TLK1: variants seen among roughly 807,000 people sequenced by gnomAD.
TLK1 encodes the protein tousled like kinase 1.
Under a neutral mutation model 105.3 loss-of-function variants are expected in TLK1, and 24 were observed. The observed-to-expected ratio is 0.23, with a 90% CI of 0.17 to 0.32. The LOEUF (loss-of-function observed/expected upper bound fraction) is 0.32. TLK1 is among the 10% of genes least tolerant of loss of function. The pLI is 1.00. For synonymous variants in TLK1, 321 were observed against 310.4 expected, an observed-to-expected ratio of 1.03 and a Z score of -0.36; for missense variants, 558 against 910.5, an observed-to-expected ratio of 0.61 and a Z score of 4.98.
At chr2:171,158,147 G>A (rs1030003550) in intron 1 of TLK1, among the ~76,000 whole-genome samples, 2 of 152,142 alleles carry the variant, frequency 1.3e-5, no homozygotes, top group Non-Finnish European at 2.9e-5. Flanking sequence ...AGAACACATC[G>A]CCAAGCTTCA....
chr2:171,133,864 G>T (rs1691202418), intron 1 of TLK1, among the ~76,000 whole-genome samples: 1 of 151,476 alleles, frequency 6.6e-6, no homozygotes, highest in Non-Finnish European at 1.5e-5. Flanking sequence ...TTGTGATGGT[G>T]TCAGGGTGTT....
chr2:171,096,371 C>CA (rs1447933564), intron 2 of TLK1, among the ~76,000 whole-genome samples: 2 of 151,878 alleles, frequency 1.3e-5, no homozygotes, highest in East Asian at 1.9e-4. Context: ...AAATCCCACA[C>CA]AAAAAATCAG....
chr2:171,220,546 G>A (rs1042816275), intron 1 of TLK1, among the ~76,000 whole-genome samples: 2 of 152,172 alleles, frequency 1.3e-5, no homozygotes, highest in African/African-American at 4.8e-5. Context: ...CCCACATGGG[G>A]AGGACTATCG....
intron 1 of TLK1, among the ~76,000 whole-genome samples, chr2:171,146,527 T>C (rs1365074039): frequency 6.6e-6 from 1 of 152,182 alleles, no homozygotes; most frequent in Non-Finnish European, 1.5e-5. Context: ...AGAAAAAATA[T>C]GACGGTGGAA....
intron 1 of TLK1, among the ~76,000 whole-genome samples, chr2:171,226,033 C>G (rs570036326): frequency 3.3e-5 from 5 of 152,192 alleles, no homozygotes; most frequent in African/African-American, 1.2e-4. Flanking sequence ...CTCACCACCC[C>G]CCTAATATTC....
intron 1 of TLK1, among the ~76,000 whole-genome samples, chr2:171,201,898 C>CATCTATCT (rs3081728): frequency 0.038 from 5,560 of 148,246 alleles, 122 homozygotes; most frequent in Middle Eastern, 0.048. Context: ...TATCAGCTAT[C>CATCTATCT]ATCTATCTAT....
At chr2:171,097,991 A>AGG (rs1689523612) in intron 2 of TLK1, among the ~76,000 whole-genome samples, 1 of 152,058 alleles carries the variant, frequency 6.6e-6, no homozygotes, top group Non-Finnish European at 1.5e-5. Context: ...AAAGAGAGAG[A>AGG]AAGAAAGAGA....
At chr2:171,000,790 T>G (rs1575499973) in intron 18 of TLK1, among the ~76,000 whole-genome samples, 1 of 152,228 alleles carries the variant, frequency 6.6e-6, no homozygotes. Flanking sequence ...TATAGAAGGG[T>G]CCATGTCATA....
At chr2:171,017,648 T>C (rs187675196) in intron 12 of TLK1, among the ~76,000 whole-genome samples, 2 of 152,336 alleles carry the variant, frequency 1.3e-5, no homozygotes. Context: ...TATCAGCAAA[T>C]TAAAGCAAGC....
intron 2 of TLK1, among the ~76,000 whole-genome samples, chr2:171,083,667 T>C (rs1240854026): frequency 6.6e-6 from 1 of 152,192 alleles, no homozygotes; most frequent in African/African-American, 2.4e-5. Flanking sequence ...ACCTCACTTG[T>C]AACAGGAGTG....
intron 1 of TLK1, among the ~76,000 whole-genome samples, chr2:171,212,239 T>C (rs928769635): frequency 1.3e-5 from 2 of 151,852 alleles, no homozygotes; most frequent in African/African-American, 4.8e-5. Context: ...AGCTGTTTTA[T>C]CATAGAGAAA....
intron 3 of TLK1, among the ~76,000 whole-genome samples, chr2:171,074,692 T>C (rs1356753596): frequency 6.6e-6 from 1 of 151,142 alleles, no homozygotes; most frequent in Non-Finnish European, 1.5e-5. Flanking sequence ...ATAGTAAGAT[T>C]TCTGGTAAGA....
chr2:171,107,154 A>G (rs1266540225), intron 2 of TLK1, among the ~76,000 whole-genome samples: 1 of 152,188 alleles, frequency 6.6e-6, no homozygotes, highest in Non-Finnish European at 1.5e-5. Context: ...TTCAAATCAA[A>G]TATTTCCAGC....
chr2:171,187,081 AAAGAAAAAGAAAAAG>A (rs1558984580), intron 1 of TLK1, among the ~76,000 whole-genome samples: 5 of 127,986 alleles, frequency 3.9e-5, no homozygotes, highest in African/African-American at 1.4e-4. Context: ...AAAAAAAAAA[AAAGAAAAAGAAAAAG>A]AAAAAGAAAA....
intron 1 of TLK1, among the ~76,000 whole-genome samples, chr2:171,148,893 ATAT>A (rs1691905608): frequency 3.3e-5 from 3 of 91,630 alleles, no homozygotes; most frequent in East Asian, 1.0e-3. Flanking sequence ...AAAAAAAAAT[ATAT>A]ATATATATAT....
chr2:171,146,451 A>C (rs1040912811), intron 1 of TLK1, among the ~76,000 whole-genome samples: 2 of 152,220 alleles, frequency 1.3e-5, no homozygotes, highest in Non-Finnish European at 2.9e-5. Flanking sequence ...AATATAAAGA[A>C]CAACTGGTAT....
intron 1 of TLK1, among the ~76,000 whole-genome samples, chr2:171,135,857 C>T (rs1165927519): frequency 6.6e-6 from 1 of 152,116 alleles, no homozygotes; most frequent in African/African-American, 2.4e-5. Flanking sequence ...AATAAGATAT[C>T]ACCTCACACC....
chr2:171,190,751 G>T (rs1693130815), intron 1 of TLK1, among the ~76,000 whole-genome samples: 1 of 152,264 alleles, frequency 6.6e-6, no homozygotes, highest in Middle Eastern at 3.4e-3. Flanking sequence ...AACATGTCAG[G>T]CAGTTTATAA....
At position 171,110,900 on chromosome 2, in the gene TLK1, C is replaced by G. The variant is rs148747430; in HGVS notation, c.258+6839G>C. 1.9e-3 allele frequency among the ~76,000 whole-genome samples: 292 copies of G among 152,148 alleles called. 4 individuals are homozygous for G. Among genetic ancestry groups the G allele is most frequent in the African/African-American group, 6.4e-3 (267 of 41,512 alleles). ...TTAATAAAAACCATGGGGAGAAAGT[C>G]CCATAACCGAACACATAAGAGCTAC... On this transcript the variant is annotated intron_variant, in intron 2 of 20. Transcript: ENST00000431350.
Sources: gnomAD v4.1 joint callset for allele counts (sites outside exome capture counted in the v4.1 genomes callset) on GRCh38, gnomAD v4.1.1 for gene constraint, MANE v1.5 for transcripts, NCBI Gene and HGNC (gene_info 2026-07-23, HGNC 2026-07-21) for gene names.